NSUN6: variants seen among roughly 807,000 people sequenced by gnomAD.
NSUN6 encodes NOP2/Sun RNA methyltransferase 6.
In NSUN6, 64 loss-of-function variants were observed where a neutral mutation model predicts 58.0. The observed-to-expected ratio is 1.10, with a 90% CI of 0.90 to 1.36. The LOEUF (loss-of-function observed/expected upper bound fraction) is 1.36. Ranked by LOEUF, NSUN6 falls within the 40% of genes most tolerant of loss-of-function variation. The pLI is 0.00. For synonymous variants in NSUN6, 231 were observed against 193.9 expected, an observed-to-expected ratio of 1.19 and a Z score of -1.59; for missense variants, 701 against 550.1, an observed-to-expected ratio of 1.27 and a Z score of -2.74.
intron 7 of NSUN6, among the ~76,000 whole-genome samples, chr10:18,592,185 G>A (rs187409479): frequency 7.9e-5 from 12 of 152,180 alleles, no homozygotes; most frequent in Admixed American, 7.9e-4. Flanking sequence ...ACCCCTTCAA[G>A]AAGAACTGCA....
intron 3 of NSUN6, among the ~76,000 whole-genome samples, chr10:18,621,688 A>T (rs2058612286): frequency 6.6e-6 from 1 of 152,242 alleles, no homozygotes; most frequent in South Asian, 2.1e-4. Context: ...AAAAAACTAT[A>T]AATACACCTA....
At chr10:18,569,251 C>G (rs1376390223) in intron 8 of NSUN6, among the ~76,000 whole-genome samples, 1 of 150,590 alleles carries the variant, frequency 6.6e-6, no homozygotes, top group Non-Finnish European at 1.5e-5. Flanking sequence ...CCATTCCATT[C>G]TCCTCCATTT....
At chr10:18,602,490 T>C (rs1173846359) in intron 6 of NSUN6, among the ~76,000 whole-genome samples, 1 of 152,106 alleles carries the variant, frequency 6.6e-6, no homozygotes, top group Non-Finnish European at 1.5e-5. Context: ...CACCTTGGCC[T>C]CCCAAAGTGC....
chr10:18,558,153 A>G (rs143170983), intron 8 of NSUN6, among the ~76,000 whole-genome samples: 2 of 149,642 alleles, frequency 1.3e-5, no homozygotes, highest in East Asian at 2.0e-4. Flanking sequence ...GAATGGAATG[A>G]AGAATGGAAT....
intron 3 of NSUN6, among the ~76,000 whole-genome samples, chr10:18,627,690 C>T (rs2058866089): frequency 6.6e-6 from 1 of 152,234 alleles, no homozygotes; most frequent in Non-Finnish European, 1.5e-5. Flanking sequence ...ACCCCAATAC[C>T]GCGCTTTTCC....
intron 3 of NSUN6, among the ~76,000 whole-genome samples, chr10:18,636,939 T>TAA (rs199781765): frequency 9.3e-5 from 11 of 117,838 alleles, no homozygotes; most frequent in Non-Finnish European, 1.0e-4. Flanking sequence ...AATCAGGAGT[T>TAA]AAAAAAAAAA....
chr10:18,562,704 G>C (rs1366844272), intron 8 of NSUN6, among the ~76,000 whole-genome samples: 12 of 151,558 alleles, frequency 7.9e-5, no homozygotes, highest in Non-Finnish European at 2.9e-5. Flanking sequence ...GAACGGAATG[G>C]AATGGAGAAT....
intron 6 of NSUN6, among the ~76,000 whole-genome samples, chr10:18,600,047 G>A (rs993547183): frequency 1.3e-5 from 2 of 152,134 alleles, no homozygotes; most frequent in African/African-American, 4.8e-5. Flanking sequence ...TTTGGGTAAT[G>A]TAAGATGCTA....
upstream of NSUN6, chr10:18,654,436 C>T (rs1251178130): frequency 6.6e-6 from 1 of 152,200 alleles, no homozygotes; most frequent in Non-Finnish European, 1.5e-5. Flanking sequence ...AACTTCTTTC[C>T]TTCTTAATTT....
At chr10:18,626,996 G>A (rs1489073233) in intron 3 of NSUN6, among the ~76,000 whole-genome samples, 1 of 152,102 alleles carries the variant, frequency 6.6e-6, no homozygotes, top group African/African-American at 2.4e-5. Context: ...ATTGATTTTT[G>A]GCCTAAAAAG....
rs972536392 is a variant in NSUN6, at chr10:18,616,439, T to G, written c.312-146A>C. 5.9e-6 allele frequency: 3 copies of G among 506,446 alleles called. No homozygotes were observed. In the East Asian group the frequency reaches 9.5e-5, roughly 16 times the overall value. The allele number at this position is 506,446 out of a possible 1,614,324, so 31.4% of individuals were successfully genotyped here. ...AACGCTGAAAAGAGAGGCATACATA[T>G]AGAGGAAACAGGAAAAAACAGCAAC... On this transcript the variant is annotated intron_variant, in intron 3 of 10. Transcript: ENST00000377304.
At chr10:18,597,222 T>C (rs180904904) in intron 6 of NSUN6, among the ~76,000 whole-genome samples, 9 of 152,352 alleles carry the variant, frequency 5.9e-5, no homozygotes, top group African/African-American at 1.9e-4. Flanking sequence ...GACTACTTAC[T>C]ATAGAATGAT....
chr10:18,614,081 A>C (rs1167862923), intron 5 of NSUN6, among the ~76,000 whole-genome samples: 1 of 152,138 alleles, frequency 6.6e-6, no homozygotes, highest in Non-Finnish European at 1.5e-5. Flanking sequence ...AATATGTTTA[A>C]TTTATATTAA....
upstream of NSUN6, chr10:18,652,569 CTTTTTT>C: frequency 2.7e-5 from 24 of 898,034 alleles, no homozygotes; most frequent in Non-Finnish European, 2.9e-5. Flanking sequence ...TTTCTCTGCT[CTTTTTT>C]TTTTTTTTTT....
rs554358991 is a variant in NSUN6, at chr10:18,557,602, G to A, written c.923-5631C>T. On this transcript the variant is annotated intron_variant, in intron 8 of 10. Coordinates refer to ENST00000377304, the MANE Select transcript of NSUN6 (RefSeq NM_182543.5). ...GAATGGAATGGAGAATGGAATGGAA[G>A]ATGGATTGGAACGGAGAATGGAATA... Among the ~76,000 whole-genome samples, 62 of 147,964 alleles carry A rather than the reference G, an allele frequency of 4.2e-4. 1 individual carries two copies. Among genetic ancestry groups the A allele is most frequent in the Non-Finnish European group, 7.5e-5 (5 of 66,596 alleles).
chr10:18,621,543 A>G lies in NSUN6; in HGVS notation c.312-5250T>C, dbSNP rs147418681. Among the ~76,000 whole-genome samples the G allele has an allele frequency of 2.2e-3, 338 of 152,322 alleles. 1 individual carries two copies. The highest frequency in any genetic ancestry group is 7.8e-3 in the African/African-American group (326 of 41,574). ...GAGTTTTTACTAGGAAAACTAAAAG[A>G]GCAAACGTAAAAGTTGGTGCAAGGC... is the stretch of plus-strand genomic sequence containing the variant. On this transcript the variant is annotated intron_variant, in intron 3 of 10. Coordinates refer to ENST00000377304, the MANE Select transcript of NSUN6 (RefSeq NM_182543.5).
rs981719229 is a variant in NSUN6, at chr10:18,562,089, G to A, written c.923-10118C>T. Among the ~76,000 whole-genome samples the A allele has an allele frequency of 1.9e-4, 28 of 150,650 alleles. 1 individual carries two copies. The highest frequency in any genetic ancestry group is 6.4e-4 in the African/African-American group (26 of 40,800). Reference sequence around the variant, plus strand: ...CATGAAATGGAATGAAGTGGAGAATGGAGTGGAATGGAACGGAAAGTGGAG... The same window carrying A: ...CATGAAATGGAATGAAGTGGAGAATAGAGTGGAATGGAACGGAAAGTGGAG... On this transcript the variant is annotated intron_variant, in intron 8 of 10. Transcript: ENST00000377304.
chr10:18,650,026 T>C (rs933784799), intron 1 of NSUN6, among the ~76,000 whole-genome samples: 2 of 152,098 alleles, frequency 1.3e-5, no homozygotes, highest in Non-Finnish European at 2.9e-5. Context: ...AAACTAAAGA[T>C]TTCAAAAAAA....
intron 8 of NSUN6, among the ~76,000 whole-genome samples, chr10:18,567,065 T>G (rs1192061075): frequency 6.7e-6 from 1 of 150,252 alleles, no homozygotes; most frequent in African/African-American, 2.5e-5. Flanking sequence ...TCCATTCTAT[T>G]CCATTCTCCA....
Sources: allele counts gnomAD v4.1 joint callset (sites outside exome capture counted in the v4.1 genomes callset), GRCh38; gene constraint gnomAD v4.1.1; transcripts MANE v1.5; gene names NCBI Gene and HGNC (gene_info 2026-07-23, HGNC 2026-07-21).